Variants in SPDYA observed in about 807,000 individuals in gnomAD.
The protein encoded by SPDYA is speedy/RINGO cell cycle regulator family member A.
In SPDYA, 11 loss-of-function variants were observed where a neutral mutation model predicts 36.7. The ratio of observed to expected loss-of-function variants is 0.30; its 90% CI spans 0.19 to 0.50. The LOEUF (loss-of-function observed/expected upper bound fraction) is 0.50, where lower values mean the gene tolerates loss of function less well. Ranked by LOEUF, SPDYA falls within the 20% of genes least tolerant of loss-of-function variation. The probability of loss-of-function intolerance (pLI) is 0.98; values close to 1 mark genes in which losing one functional copy is unlikely to be tolerated. For missense variants in SPDYA, 287 were observed against 370.9 expected (o/e 0.77, Z 1.86); for synonymous variants, 115 against 118.7 (o/e 0.97, Z 0.20).
chr2:28,835,243 T>A (rs1161731119), intron 6 of SPDYA, among the ~76,000 whole-genome samples: 1 of 150,570 alleles, frequency 6.6e-6, no homozygotes, highest in African/African-American at 2.4e-5. Flanking sequence ...TTTTTTTTTT[T>A]AAGACAGAGT....
chr2:28,816,390 G>T, intron 3 of SPDYA, 141 bp downstream of exon 3: 26 of 620,782 alleles, frequency 4.2e-5, no homozygotes, highest in East Asian at 1.7e-4. Context: ...ATTTGTTTTT[G>T]TTTTACTTAG....
At chr2:28,833,939 T>G (rs541483032) in intron 6 of SPDYA, among the ~76,000 whole-genome samples, 2 of 152,296 alleles carry the variant, frequency 1.3e-5, no homozygotes, top group Admixed American at 1.3e-4. Context: ...AAAAAATTTT[T>G]TGCAAGTCAT....
chr2:28,824,691 C>A (rs1168873201), intron 5 of SPDYA, among the ~76,000 whole-genome samples: 1 of 151,660 alleles, frequency 6.6e-6, no homozygotes, highest in African/African-American at 2.4e-5. Flanking sequence ...GAACTACAGG[C>A]GCATGCCACC....
Position 28,816,088 on chromosome 2 carries a change from C to T in SPDYA, c.74C>T (p.Ser25Leu). Residue 25 changes from serine (S) to leucine (L), a missense_variant, in exon 3 of 8, where the codon TCA becomes TTA. By Grantham distance (145) the Ser-to-Leu change is moderately radical (BLOSUM62 -2). Transcript: ENST00000334056. ...TATGTAAAATCAGGGTCAAATAGAT[C>T]ACATCAGCCTAAAAAGCCCATTACT... is the stretch of plus-strand genomic sequence containing the variant. ...TVYVKSGSNR[S>L]HQPKKPITLK... 1 of 1,613,880 alleles carries T rather than the reference C, an allele frequency of 6.2e-7. No homozygotes were observed. Among genetic ancestry groups the T allele is most frequent in the South Asian group, 1.1e-5 (1 of 91,070 alleles).
At chr2:28,826,188 G>A (rs1668312942) in intron 5 of SPDYA, among the ~76,000 whole-genome samples, 2 of 152,124 alleles carry the variant, frequency 1.3e-5, no homozygotes, top group South Asian at 2.1e-4. Context: ...CCAGGCTGGA[G>A]TGCATTGGCA....
At chr2:28,847,638 C>T (rs112176169) in intron 7 of SPDYA, among the ~76,000 whole-genome samples, 4 of 148,648 alleles carry the variant, frequency 2.7e-5, no homozygotes, top group Admixed American at 6.7e-5. Context: ...CACAGGTACT[C>T]GGGAGGCTGA....
chr2:28,822,593 T>C (rs1172728314), intron 5 of SPDYA, among the ~76,000 whole-genome samples, 183 bp downstream of exon 5: 2 of 152,144 alleles, frequency 1.3e-5, no homozygotes, highest in Non-Finnish European at 2.9e-5. Flanking sequence ...GCTATATGCC[T>C]AAGATTTCCT....
At chr2:28,822,852 C>T (rs1344491591) in intron 5 of SPDYA, among the ~76,000 whole-genome samples, 4 of 152,130 alleles carry the variant, frequency 2.6e-5, no homozygotes, top group East Asian at 1.9e-4. Flanking sequence ...GTGATCTGCC[C>T]GCCTCGGCCT....
At position 28,837,203 on chromosome 2, in the gene SPDYA, G is replaced by A. The variant is rs556778761; in HGVS notation, c.553-2969G>A. The stretch of plus-strand genomic sequence containing the variant: ...CTATAGCTGGAAACAAGGTTGTGAA[G>A]AAAATTGATAGCAGTGCTGAAGAAA... On this transcript the variant is annotated intron_variant, in intron 6 of 7. Coordinates refer to ENST00000334056, the MANE Select transcript of SPDYA (RefSeq NM_182756.4). Among the ~76,000 whole-genome samples, 373 of 152,304 alleles carry A rather than the reference G, an allele frequency of 2.4e-3. 4 individuals are homozygous for A. Among genetic ancestry groups the A allele is most frequent in the Middle Eastern group, 0.01 (3 of 294 alleles).
At chr2:28,839,387 G>A (rs977864255) in intron 6 of SPDYA, among the ~76,000 whole-genome samples, 9 of 150,828 alleles carry the variant, frequency 6.0e-5, no homozygotes, top group Non-Finnish European at 8.9e-5. Flanking sequence ...ACAAAACTGA[G>A]GAACAGCGAG....
rs972201657 is a variant in SPDYA, at chr2:28,850,539, C to A, written c.*598C>A. ...TTATTTCCTTGCATATGTTTTAGAGCTACTCTGCCAGTTATTATACAGAAA... is the reference window on the plus strand; with the variant it reads ...TTATTTCCTTGCATATGTTTTAGAGATACTCTGCCAGTTATTATACAGAAA... On this transcript the variant is annotated 3_prime_UTR_variant, in exon 8 of 8. Transcript: ENST00000334056. 11 of 615,080 alleles carry A rather than the reference C, an allele frequency of 1.8e-5. No homozygotes were observed. The highest frequency in any genetic ancestry group is 1.7e-4 in the African/African-American group (9 of 53,664). The allele number at this position is 615,080 out of a possible 1,614,324, so 38.1% of individuals were successfully genotyped here.
chr2:28,829,127 G>A, intron 5 of SPDYA, 21 bp from the exon 6 acceptor site: 1 of 1,593,558 alleles, frequency 6.3e-7, no homozygotes, highest in Non-Finnish European at 8.5e-7. Context: ...TTCTTTTTTG[G>A]GTTGTGATCT....
At chr2:28,829,089 G>T in intron 5 of SPDYA, 59 bp from the exon 6 acceptor site, 2 of 1,485,798 alleles carry the variant, frequency 1.3e-6, no homozygotes, top group South Asian at 2.6e-5. Context: ...TGGTGTATGT[G>T]AACTACCTGT....
chr2:28,817,475 C>T (rs1257376311), intron 3 of SPDYA, among the ~76,000 whole-genome samples: 2 of 151,738 alleles, frequency 1.3e-5, no homozygotes, highest in South Asian at 2.1e-4. Flanking sequence ...GCAGGAGAAT[C>T]GCTTCAACCC....
chr2:28,821,588 G>C (rs1668170281), intron 4 of SPDYA, among the ~76,000 whole-genome samples: 1 of 152,180 alleles, frequency 6.6e-6, no homozygotes, highest in South Asian at 2.1e-4. Context: ...CTGGAGTACT[G>C]TCTTAACACG....
chr2:28,827,567 G>C (rs1558325818), intron 5 of SPDYA, among the ~76,000 whole-genome samples: 1 of 152,128 alleles, frequency 6.6e-6, no homozygotes, highest in East Asian at 1.9e-4. Flanking sequence ...TTCTTGGAAA[G>C]TCATCTGTGA....
intron 5 of SPDYA, among the ~76,000 whole-genome samples, chr2:28,824,553 C>CTTTTTTTTTTCTTTCTTTT (rs1553315252): frequency 1.5e-5 from 2 of 133,298 alleles, no homozygotes; most frequent in African/African-American, 2.7e-5. Flanking sequence ...TTCTTTCTTT[C>CTTTTTTTTTTCTTTCTTTT]TTTTTTTTTT....
At chr2:28,826,611 C>CTTTTTTTT (rs777338299) in intron 5 of SPDYA, among the ~76,000 whole-genome samples, 20 of 75,348 alleles carry the variant, frequency 2.7e-4, no homozygotes, top group South Asian at 6.3e-4. Flanking sequence ...TTCTTTCTCT[C>CTTTTTTTT]TTTTTTTTTT....
rs531680771 is a variant in SPDYA, at chr2:28,811,662, G to GA, written c.-93+725dup. 4.8e-3 allele frequency among the ~76,000 whole-genome samples: 714 copies of GA among 149,918 alleles called. 5 individuals carry two copies. The highest frequency in any genetic ancestry group is 0.011 in the African/African-American group (446 of 40,906). On this transcript the variant is annotated intron_variant, in intron 1 of 7. Coordinates refer to ENST00000334056, the MANE Select transcript of SPDYA (RefSeq NM_182756.4). The surrounding 1 kb of genome is among the most constrained non-coding windows in gnomAD (Gnocchi z 4.2). ...AACCCCGTCTCTACAAAAAAATAAT[G>GA]AAAAAAAAAATTAACCGGGCATGGT...
Sources: allele counts gnomAD v4.1 joint callset (sites outside exome capture counted in the v4.1 genomes callset), GRCh38; gene constraint gnomAD v4.1.1; non-coding constraint Gnocchi (gnomAD v3.1); transcripts MANE v1.5; gene names NCBI Gene and HGNC (gene_info 2026-07-23, HGNC 2026-07-21).